The following DLG2 variants were observed in gnomAD, a reference collection of about 807,000 sequenced individuals.
DLG2 encodes the protein discs large MAGUK scaffold protein 2.
Under a neutral mutation model 132.5 loss-of-function variants are expected in DLG2, and 45 were observed. That is an observed-to-expected ratio of 0.34 (90% CI 0.27 to 0.44). The LOEUF is 0.44. Ranked by LOEUF, DLG2 falls within the 20% of genes least tolerant of loss-of-function variation. The probability of loss-of-function intolerance (pLI) is 1.00; values close to 1 mark genes in which losing one functional copy is unlikely to be tolerated. For missense variants in DLG2, 1,045 were observed against 1,196.9 expected (o/e 0.87, Z 1.87); for synonymous variants, 424 against 419.6 (o/e 1.01, Z -0.13).
At chr11:84,942,615 T>A (rs1336249208) in intron 6 of DLG2, among the ~76,000 whole-genome samples, 4 of 152,306 alleles carry the variant, frequency 2.6e-5, no homozygotes, top group Admixed American at 6.5e-5. Context: ...TTTTTAAAAT[T>A]TTTTAAGGCT....
intron 6 of DLG2, among the ~76,000 whole-genome samples, chr11:84,789,830 T>C (rs1236991262): frequency 6.6e-6 from 1 of 152,198 alleles, no homozygotes; most frequent in African/African-American, 2.4e-5. Context: ...AGTGAGACCA[T>C]GCTAAGGTTT....
intron 3 of DLG2, among the ~76,000 whole-genome samples, chr11:85,310,321 T>C (rs931144491): frequency 4.2e-4 from 64 of 152,176 alleles, no homozygotes; most frequent in African/African-American, 1.5e-3. Context: ...AAGAAGAAAA[T>C]AGTAAAGATA....
intron 12 of DLG2, among the ~76,000 whole-genome samples, chr11:83,970,904 G>A (rs960325403): frequency 8.5e-5 from 13 of 152,064 alleles, no homozygotes; most frequent in African/African-American, 3.1e-4. Context: ...TAAAAATTCA[G>A]AATAGTACCG....
intron 7 of DLG2, among the ~76,000 whole-genome samples, chr11:84,339,900 C>T (rs1261354188): frequency 3.3e-5 from 5 of 152,256 alleles, no homozygotes; most frequent in Middle Eastern, 3.4e-3. Context: ...ATAATCATGA[C>T]GACTTTAATT....
chr11:83,723,642 G>C (rs60839240), intron 18 of DLG2, among the ~76,000 whole-genome samples: 1 of 152,142 alleles, frequency 6.6e-6, no homozygotes, highest in Non-Finnish European at 1.5e-5. Context: ...ATCACCCGAG[G>C]TCAGGAGTTT....
intron 6 of DLG2, among the ~76,000 whole-genome samples, chr11:84,961,283 A>G (rs1268899596): frequency 6.6e-6 from 1 of 151,956 alleles, no homozygotes; most frequent in Non-Finnish European, 1.5e-5. Context: ...GTATCATACC[A>G]GTGTAGCTCA....
chr11:84,718,102 T>C (rs1456906368), intron 6 of DLG2, among the ~76,000 whole-genome samples: 2 of 152,050 alleles, frequency 1.3e-5, no homozygotes, highest in African/African-American at 4.8e-5. Flanking sequence ...GATTATAAGA[T>C]AGAATCCTTA....
At chr11:84,957,241 A>G (rs2051819545) in intron 6 of DLG2, among the ~76,000 whole-genome samples, 1 of 152,178 alleles carries the variant, frequency 6.6e-6, no homozygotes, top group Non-Finnish European at 1.5e-5. Context: ...CCATTACACT[A>G]TATTACCTCA....
At chr11:85,269,206 G>A (rs1024813735) in intron 4 of DLG2, among the ~76,000 whole-genome samples, 6 of 152,102 alleles carry the variant, frequency 3.9e-5, no homozygotes, top group African/African-American at 1.4e-4. Context: ...CTCCCTTGTA[G>A]AATGCAGATT....
chr11:85,429,288 A>G (rs2090998358), intron 3 of DLG2, among the ~76,000 whole-genome samples: 2 of 152,210 alleles, frequency 1.3e-5, no homozygotes, highest in Non-Finnish European at 2.9e-5. Context: ...GACCAGCATC[A>G]TCCTGTTACC....
intron 6 of DLG2, among the ~76,000 whole-genome samples, chr11:84,934,343 T>G (rs2048432644): frequency 6.6e-6 from 1 of 151,836 alleles, no homozygotes; most frequent in African/African-American, 2.4e-5. Flanking sequence ...CTTTTTTTAA[T>G]GTTCTTTTTG....
intron 10 of DLG2, among the ~76,000 whole-genome samples, chr11:84,066,243 A>C (rs2096670276): frequency 6.6e-6 from 1 of 152,186 alleles, no homozygotes; most frequent in Admixed American, 6.5e-5. Context: ...AAAAATAATA[A>C]ATGCATATTC....
intron 4 of DLG2, among the ~76,000 whole-genome samples, chr11:85,167,065 G>A (rs1386265419): frequency 1.3e-5 from 2 of 152,050 alleles, no homozygotes; most frequent in African/African-American, 2.4e-5. Flanking sequence ...GGAAATGAAT[G>A]TCAGTACTAA....
intron 6 of DLG2, among the ~76,000 whole-genome samples, chr11:84,964,271 A>G (rs905861889): frequency 1.3e-5 from 2 of 152,042 alleles, no homozygotes; most frequent in Non-Finnish European, 2.9e-5. Flanking sequence ...TTCATATACA[A>G]CCTTCAGGTC....
At chr11:84,121,693 C>G (rs1043412699) in intron 9 of DLG2, among the ~76,000 whole-genome samples, 2 of 151,362 alleles carry the variant, frequency 1.3e-5, no homozygotes, top group Non-Finnish European at 2.9e-5. Context: ...TCCTGAGTAG[C>G]TGGGACTACA....
At chr11:85,352,758 T>C (rs1016874933) in intron 3 of DLG2, among the ~76,000 whole-genome samples, 161 of 152,278 alleles carry the variant, frequency 1.1e-3, no homozygotes, top group Non-Finnish European at 1.9e-3. Flanking sequence ...ATTTAATAAA[T>C]GGTGCTGGGA....
chr11:84,168,258 G>C (rs1199241355), intron 8 of DLG2, among the ~76,000 whole-genome samples: 2 of 152,170 alleles, frequency 1.3e-5, no homozygotes, highest in Non-Finnish European at 2.9e-5. Flanking sequence ...AAGCTGCAGC[G>C]CCACTATTGC....
intron 7 of DLG2, among the ~76,000 whole-genome samples, chr11:84,370,466 T>C (rs1340539150): frequency 6.6e-6 from 1 of 152,188 alleles, no homozygotes; most frequent in Admixed American, 6.6e-5. Context: ...GTCTAAGTTC[T>C]AGCACACTAG....
intron 3 of DLG2, among the ~76,000 whole-genome samples, chr11:85,372,473 G>A (rs2085063669): frequency 1.3e-5 from 2 of 152,170 alleles, no homozygotes; most frequent in South Asian, 4.1e-4. Context: ...CCAAGCTTCG[G>A]GTCAAAGCCC....
Sources: allele counts gnomAD v4.1 joint callset (sites outside exome capture counted in the v4.1 genomes callset), GRCh38; gene constraint gnomAD v4.1.1; transcripts MANE v1.5; gene names NCBI Gene and HGNC (gene_info 2026-07-23, HGNC 2026-07-21).